Variants in UBR4 observed in about 807,000 individuals in gnomAD.
UBR4 encodes the protein ubiquitin protein ligase E3 component n-recognin 4, also known as E3 ubiquitin-protein ligase UBR4.
A neutral mutation model predicts 575.6 loss-of-function variants in UBR4; 124 were observed. The observed-to-expected ratio is 0.22, with a 90% confidence interval of 0.19 to 0.25. The LOEUF (loss-of-function observed/expected upper bound fraction) is 0.25, where lower values mean the gene tolerates loss of function less well. Among genes scored for constraint, UBR4 ranks in the 10% least tolerant of loss-of-function variants. The pLI is 1.00. For missense variants in UBR4, 4,818 were observed against 6,478.8 expected, an observed-to-expected ratio of 0.74 and a Z score of 8.80; for synonymous variants, 2,455 against 2,473.7, an observed-to-expected ratio of 0.99 and a Z score of 0.22.
In UBR4 at chr1:19,153,588, T is replaced by C. The variant is rs1215089825; in HGVS notation, c.6631-86A>G. ...GAAAAAGAGGCAGAGATGCAACTGG[T>C]TTCATGGTCAGTTGAGGGGCTGTAC... On this transcript the variant is annotated intron_variant, in intron 45 of 105. Transcript: ENST00000375254. The surrounding 1 kb of genome is among the most constrained non-coding windows in gnomAD (Gnocchi z 4.1). 2 of 1,549,128 alleles carry C rather than the reference T, an allele frequency of 1.3e-6. No individual in the cohort carries two copies. Among genetic ancestry groups the C allele is most frequent in the Non-Finnish European group, 1.8e-6 (2 of 1,129,124 alleles).
rs180914997 is a variant in UBR4 at position 19,120,310 on chromosome 1, C to T, written c.10180G>A (p.Ala3394Thr). 38 of 1,614,150 alleles carry T rather than the reference C, an allele frequency of 2.4e-5. No homozygotes were observed. Among genetic ancestry groups the T allele is most frequent in the Non-Finnish European group, 3.1e-5 (37 of 1,180,018 alleles). ...AATTTGTTCAGCTGGTTCACCAGAG[C>T]TGTGCACAGCTGGTCCTCCTGGCTG... is the stretch of plus-strand genomic sequence containing the variant. ...SGSQEDQLCTALVNQLNKFAD... is the reference protein window; with the variant it reads ...SGSQEDQLCTTLVNQLNKFAD... Residue 3394 changes from alanine to threonine, a missense_variant, in exon 69 of 106, where the codon GCT (alanine) becomes ACT (threonine). Transcript: ENST00000375254.
At chr1:19,082,024 C>T (rs2076566401) in intron 102 of UBR4, 2 of 559,980 alleles carry the variant, frequency 3.6e-6, no homozygotes, top group Non-Finnish European at 6.3e-6. Context: ...CCTGACTCCC[C>T]CTTGCTCCAC....
Position 19,108,640 on chromosome 1 carries a change from G to A in UBR4, c.12105+1456C>T, listed in dbSNP as rs939632028. Among the ~76,000 whole-genome samples, 3 of 152,228 alleles carry A rather than the reference G, an allele frequency of 2.0e-5. No individual in the cohort carries two copies. In the East Asian group the frequency reaches 5.8e-4, roughly 29 times the overall value. On this transcript the variant is annotated intron_variant, in intron 81 of 105. Transcript: ENST00000375254. ...CAGTGAAGAACTGCACAGGGCCACC[G>A]CCTCGTCAACCTAAGGCACTGGCTG...
intron 43 of UBR4, 34 bp downstream of exon 43, chr1:19,155,407 C>T (rs377425317): frequency 5.0e-5 from 79 of 1,579,036 alleles, no homozygotes; most frequent in African/African-American, 3.0e-4. Context: ...TAATTAAATC[C>T]GGAATAGAAG....
intron 90 of UBR4, among the ~76,000 whole-genome samples, chr1:19,098,980 T>C (rs749964696): frequency 4.6e-5 from 7 of 151,814 alleles, no homozygotes; most frequent in Non-Finnish European, 7.4e-5. Flanking sequence ...AAGAGAGGAA[T>C]GGAAGGAACA....
chr1:19,120,567 A>G (rs1349689829), intron 68 of UBR4, among the ~76,000 whole-genome samples: 1 of 152,242 alleles, frequency 6.6e-6, no homozygotes, highest in African/African-American at 2.4e-5. Flanking sequence ...TGCAGTGGTG[A>G]GCACAGCTGC....
At chr1:19,191,288 T>C (rs145476137) in intron 11 of UBR4, among the ~76,000 whole-genome samples, 1 of 152,142 alleles carries the variant, frequency 6.6e-6, no homozygotes, top group Non-Finnish European at 1.5e-5. Context: ...CTGGCCAACA[T>C]GGTGAAACCC....
rs2093063013 is a variant in UBR4, at chr1:19,207,399, C to T, written c.176+2674G>A. Reference sequence around the variant, plus strand: ...ATCCCAGCACTTTGGAAGGCCAAGGCGGGCGGATCACCTGCGGTCAGAAGT... The same window carrying T: ...ATCCCAGCACTTTGGAAGGCCAAGGTGGGCGGATCACCTGCGGTCAGAAGT... On this transcript the variant is annotated intron_variant, in intron 1 of 105. Coordinates refer to ENST00000375254, the MANE Select transcript of UBR4 (RefSeq NM_020765.3). 2.6e-5 allele frequency among the ~76,000 whole-genome samples: 4 copies of T among 152,188 alleles called. No homozygotes were observed. The South Asian group carries it at 8.3e-4, about 32-fold the overall frequency.
intron 39 of UBR4, 100 bp from the exon 40 acceptor site, chr1:19,158,097 T>C: frequency 4.5e-6 from 6 of 1,327,154 alleles, no homozygotes; most frequent in African/African-American, 1.5e-5. Flanking sequence ...CACAATTCAG[T>C]CATTCAAAAG....
intron 60 of UBR4, among the ~76,000 whole-genome samples, chr1:19,131,735 T>C (rs986966108): frequency 3.3e-5 from 5 of 152,154 alleles, no homozygotes; most frequent in Admixed American, 3.3e-4. Flanking sequence ...TAGCCGGGCG[T>C]GGTCACGCAT....
intron 60 of UBR4, among the ~76,000 whole-genome samples, chr1:19,130,237 T>C (rs2082269121): frequency 6.6e-6 from 1 of 152,094 alleles, no homozygotes; most frequent in South Asian, 2.1e-4. Context: ...CAGAATATTT[T>C]CAAAGTAATA....
In UBR4 at chr1:19,177,716, G is replaced by A; in HGVS notation, c.2382C>T (p.Ala794=). The change falls in exon 19 of 106, where the codon GCC becomes GCT. Residue 794 remains alanine (A), a synonymous_variant. Coordinates refer to ENST00000375254, the MANE Select transcript of UBR4 (RefSeq NM_020765.3). ...TCTCACTGGGCACCACACCTTGCAG[G>A]GCATTCTGCTTCATTGTAGACAAAA... The part of the protein sequence containing the change: ...DRFLSTMKQN[A]LQGVVPSETE... 6.2e-7 allele frequency: 1 copy of A among 1,613,690 alleles called. No homozygotes were observed. The highest frequency in any genetic ancestry group is 1.7e-4 in the Middle Eastern group (1 of 5,936).
chr1:19,134,475 T>C (rs1439238370), intron 60 of UBR4, among the ~76,000 whole-genome samples: 2 of 152,058 alleles, frequency 1.3e-5, no homozygotes, highest in Admixed American at 6.5e-5. Context: ...ATCAGATACA[T>C]AGTCAAAATA....
chr1:19,135,125 T>C (rs1268515926), intron 60 of UBR4, among the ~76,000 whole-genome samples: 5 of 152,210 alleles, frequency 3.3e-5, no homozygotes, highest in Admixed American at 3.3e-4. Flanking sequence ...TTCATTTTAT[T>C]CTATGTGCGT....
chr1:19,174,866 G>A (rs2090050756), intron 21 of UBR4, 88 bp downstream of exon 21: 1 of 1,224,004 alleles, frequency 8.2e-7, no homozygotes, highest in African/African-American at 1.5e-5. Context: ...ACTATAAAAA[G>A]TCAGTCATTC....
Position 19,151,741 on chromosome 1 carries a change from C to G in UBR4, c.7115G>C (p.Gly2372Ala). Residue 2372 changes from glycine to alanine, a missense_variant, in exon 48 of 106, where the codon GGC becomes GCC. Transcript: ENST00000375254. ...ERAPSYIEIF[G>A]RTMQLNLSRS... ...ACTCAGGTTGAGCTGCATAGTTCTG[C>G]CGAAGATCTCGATATATGACGGGGC... The G allele has an allele frequency of 1.9e-6, 3 of 1,614,162 alleles. No individual in the cohort carries two copies. Among genetic ancestry groups the G allele is most frequent in the Non-Finnish European group, 2.5e-6 (3 of 1,180,022 alleles).
chr1:19,126,452 A>G lies in UBR4; in HGVS notation c.9432T>C (p.Tyr3144=). 1 of 1,614,162 alleles carries G rather than the reference A, an allele frequency of 6.2e-7. No individual in the cohort carries two copies. Among genetic ancestry groups the G allele is most frequent in the Non-Finnish European group, 8.5e-7 (1 of 1,180,000 alleles). The part of the protein sequence containing the change: ...PDMSPFFLRQ[Y]VKGHAADVFE... ...GATGAGGGAAAGATCTCACCTTCAC[A>G]TACTGGCGGAGAAAGAATGGGCTCA... is the stretch of plus-strand genomic sequence containing the variant. Residue 3144 remains tyrosine, a synonymous_variant, in exon 64 of 106, where the codon TAT becomes TAC. Transcript: ENST00000375254.
At chr1:19,103,852 C>T (rs1363010832) in intron 87 of UBR4, among the ~76,000 whole-genome samples, 1 of 152,240 alleles carries the variant, frequency 6.6e-6, no homozygotes, top group Non-Finnish European at 1.5e-5. Context: ...AGCCTTTGAC[C>T]TTGCACCACT....
At chr1:19,170,997 G>A in intron 25 of UBR4, 114 bp from the exon 26 acceptor site, 1 of 1,397,026 alleles carries the variant, frequency 7.2e-7, no homozygotes, top group Non-Finnish European at 9.8e-7. Flanking sequence ...TCTATTTAAT[G>A]TAGTTGATAG....
Sources: gnomAD v4.1 joint callset for allele counts (sites outside exome capture counted in the v4.1 genomes callset) on GRCh38, gnomAD v4.1.1 for gene constraint, Gnocchi (gnomAD v3.1) non-coding constraint, MANE v1.5 for transcripts, NCBI Gene and HGNC (gene_info 2026-07-23, HGNC 2026-07-21) for gene names.